The following HINT1 variants were observed in gnomAD, a reference collection of about 807,000 sequenced individuals.
The protein encoded by HINT1 is adenosine 5'-monophosphoramidase HINT1.
Under a neutral mutation model 11.2 loss-of-function variants are expected in HINT1, and 12 were observed. That is an observed-to-expected ratio of 1.07 (90% CI 0.69 to 1.74). The LOEUF (loss-of-function observed/expected upper bound fraction) is 1.74. Among genes scored for constraint, HINT1 ranks in the 40% most tolerant of loss-of-function variants. The pLI is 0.00. For synonymous variants in HINT1, 42 were observed against 52.6 expected, an observed-to-expected ratio of 0.80 and a Z score of 0.87; for missense variants, 150 against 161.8, an observed-to-expected ratio of 0.93 and a Z score of 0.40.
At chr5:131,164,587 C>A (rs1239671464) in intron 1 of HINT1, among the ~76,000 whole-genome samples, 1 of 152,152 alleles carries the variant, frequency 6.6e-6, no homozygotes, top group Non-Finnish European at 1.5e-5. Flanking sequence ...CCTCCCAGCG[C>A]CCCTGGGGCC....
intron 1 of HINT1, among the ~76,000 whole-genome samples, chr5:131,163,988 G>T (rs1436399601): frequency 6.6e-6 from 1 of 152,028 alleles, no homozygotes; most frequent in South Asian, 2.1e-4. Context: ...AGGCAACTGC[G>T]AACTTTAAAA....
chr5:131,164,126 T>A (rs931935119), intron 1 of HINT1, among the ~76,000 whole-genome samples: 18 of 152,308 alleles, frequency 1.2e-4, no homozygotes, highest in Non-Finnish European at 1.6e-4. Context: ...ATTAGTAGAA[T>A]AAATGTTTTT....
At chr5:131,162,175 T>A in intron 2 of HINT1, 1 of 510,466 alleles carries the variant, frequency 2.0e-6, no homozygotes, top group Non-Finnish European at 3.4e-6. Context: ...ATACAAAAAA[T>A]TAGCCAGCCT....
chr5:131,165,022 C>T, intron 1 of HINT1, 73 bp downstream of exon 1: 2 of 1,600,204 alleles, frequency 1.2e-6, no homozygotes, highest in Non-Finnish European at 1.7e-6. Flanking sequence ...CCTCCTCTCC[C>T]TCCGCGAGAA....
rs561869088 is a variant in HINT1 at position 131,162,231 on chromosome 5, G to A, written c.216+341C>T. The A allele has an allele frequency of 7.5e-4, 425 of 568,658 alleles. 5 individuals are homozygous for A. Among genetic ancestry groups the A allele is most frequent in the South Asian group, 6.8e-3 (291 of 42,736 alleles). The allele number at this position is 568,658 out of a possible 1,614,324, so 35.2% of individuals were successfully genotyped here. A position where few individuals can be genotyped will look rare whatever the true frequency, so the allele number is the denominator to read the frequency against. On this transcript the variant is annotated intron_variant, in intron 2 of 2. Transcript: ENST00000304043. ...CCCACTACTCGGGAGGCTGAGGCAG[G>A]AGAATGGTGTGAACCAGGGAGGTGG...
intron 1 of HINT1, 41 bp downstream of exon 1, chr5:131,165,054 A>ACC (rs1361168570): frequency 6.2e-7 from 1 of 1,612,294 alleles, no homozygotes; most frequent in South Asian, 1.1e-5. Context: ...CGCGGACGAT[A>ACC]CCCACCTCAG....
intron 2 of HINT1, among the ~76,000 whole-genome samples, chr5:131,161,402 G>C (rs765983015): frequency 6.6e-6 from 1 of 151,740 alleles, no homozygotes; most frequent in Non-Finnish European, 1.5e-5. Flanking sequence ...TTGGGAGTTC[G>C]AGACTAACCT....
At position 131,159,641 on chromosome 5, in the gene HINT1, C is replaced by T. The variant is rs777414072; in HGVS notation, c.217-30G>A. On this transcript the variant is annotated intron_variant, in intron 2 of 2. Transcript: ENST00000304043. ...AAAAGGAAAAAAAGTTTCTTAGGCA[C>T]AGGCAATTTATTACTTCTTGCCATT... 6.0e-5 allele frequency: 95 copies of T among 1,595,632 alleles called. 1 individual carries two copies. Among genetic ancestry groups the T allele is most frequent in the Admixed American group, 3.0e-4 (17 of 57,020 alleles).
In HINT1 at chr5:131,165,099, T is replaced by C; in HGVS notation, c.107A>G (p.Asp36Gly). The C allele has an allele frequency of 6.2e-7, 1 of 1,613,660 alleles. No homozygotes were observed. Among genetic ancestry groups the C allele is most frequent in the East Asian group, 2.2e-5 (1 of 44,862 alleles). ...GAGGTGGTGCCCAGTACCTACCCGGTCATCCTCAAAAATGATTTTGGCTGG... is the reference window on the plus strand; with the variant it reads ...GAGGTGGTGCCCAGTACCTACCCGGCCATCCTCAAAAATGATTTTGGCTGG... Reference protein sequence around the residue: ...EIPAKIIFEDDRCLAFHDISP... With the variant: ...EIPAKIIFEDGRCLAFHDISP... The change falls in exon 1 of 3, where the codon GAC (aspartate) becomes GGC (glycine). Residue 36 changes from aspartate (D) to glycine (G), a missense_variant. Transcript: ENST00000304043.
chr5:131,159,396 T>C lies in HINT1; in HGVS notation c.*51A>G. 1 of 1,540,892 alleles carries C rather than the reference T, an allele frequency of 6.5e-7. No individual in the cohort carries two copies. Among genetic ancestry groups the C allele is most frequent in the South Asian group, 1.1e-5 (1 of 87,974 alleles). ...GTGTGTTACTTAACATACTGGAAATTGCCTAACTTAATCATTGCCTAAAGA... is the reference window on the plus strand; with the variant it reads ...GTGTGTTACTTAACATACTGGAAATCGCCTAACTTAATCATTGCCTAAAGA... On this transcript the variant is annotated 3_prime_UTR_variant, in exon 3 of 3. Coordinates refer to ENST00000304043, the MANE Select transcript of HINT1 (RefSeq NM_005340.7).
intron 2 of HINT1, among the ~76,000 whole-genome samples, chr5:131,161,735 T>C (rs3864283): frequency 0.38 from 58,225 of 152,152 alleles, 14,275 homozygotes; most frequent in African/African-American, 0.7. Flanking sequence ...AATTAATGCC[T>C]TGAAGTTTCT....
At chr5:131,162,187 G>T (rs916185860) in intron 2 of HINT1, 2 of 521,104 alleles carry the variant, frequency 3.8e-6, no homozygotes, top group African/African-American at 1.9e-5. Flanking sequence ...AGCCAGCCTT[G>T]GTGGCGGGCG....
At chr5:131,161,402 G>A (rs765983015) in intron 2 of HINT1, among the ~76,000 whole-genome samples, 4 of 151,740 alleles carry the variant, frequency 2.6e-5, no homozygotes, top group Non-Finnish European at 4.4e-5. Context: ...TTGGGAGTTC[G>A]AGACTAACCT....
intron 2 of HINT1, 65 bp downstream of exon 2, chr5:131,162,507 T>G (rs1160016832): frequency 5.0e-6 from 8 of 1,604,558 alleles, no homozygotes; most frequent in Non-Finnish European, 6.8e-6. Flanking sequence ...GACAGCACTT[T>G]AAGGACAAAA....
intron 2 of HINT1, among the ~76,000 whole-genome samples, chr5:131,160,201 T>G (rs1265069809): frequency 1.3e-5 from 2 of 152,178 alleles, no homozygotes; most frequent in African/African-American, 4.8e-5. Flanking sequence ...GTTTTCTTAA[T>G]AAAGCAAGAC....
At chr5:131,165,039 G>T (rs1311164242) in intron 1 of HINT1, 56 bp downstream of exon 1, 3 of 1,609,628 alleles carry the variant, frequency 1.9e-6, no homozygotes, top group Admixed American at 3.4e-5. Context: ...AGAAACCCGA[G>T]GATCCGCGGA....
chr5:131,160,433 G>A (rs985359018), intron 2 of HINT1, among the ~76,000 whole-genome samples: 10 of 152,156 alleles, frequency 6.6e-5, no homozygotes, highest in African/African-American at 2.4e-4. Context: ...AAAAGTTAAA[G>A]GGGAGAAGGT....
At chr5:131,162,133 G>A in intron 2 of HINT1, 5 of 429,818 alleles carry the variant, frequency 1.2e-5, no homozygotes, top group Non-Finnish European at 2.1e-5. Context: ...AAACTATCCT[G>A]ACTAACATGG....
At chr5:131,162,093 A>C (rs1309310544) in intron 2 of HINT1, 1 of 305,600 alleles carries the variant, frequency 3.3e-6, no homozygotes, top group Non-Finnish European at 6.0e-6. Context: ...TGGGAGGCCG[A>C]GGCGGGCGGA....
Sources: gnomAD v4.1 joint callset for allele counts (sites outside exome capture counted in the v4.1 genomes callset) on GRCh38, gnomAD v4.1.1 for gene constraint, MANE v1.5 for transcripts, NCBI Gene and HGNC (gene_info 2026-07-23, HGNC 2026-07-21) for gene names.